The following PUDP variants were observed in gnomAD, a reference collection of about 807,000 sequenced individuals.
PUDP encodes the protein pseudouridine 5'-phosphatase, also known as pseudouridine-5'-phosphatase.
PUDP carries 8 observed loss-of-function variants against 9.4 expected under a neutral mutation model. The ratio of observed to expected loss-of-function variants is 0.85; its 90% CI spans 0.50 to 1.53. The LOEUF (loss-of-function observed/expected upper bound fraction) is 1.53. Ranked by LOEUF, PUDP falls within the 40% of genes most tolerant of loss-of-function variation. The pLI, the probability that PUDP is intolerant of heterozygous loss-of-function variation, is 0.00. For synonymous variants in PUDP, 99 were observed against 80.7 expected (o/e 1.23, Z -1.22); for missense variants, 188 against 189.7 (o/e 0.99, Z 0.05).
In PUDP at chrX:6,968,776, T is replaced by C. The variant is rs575131592; in HGVS notation, c.*247+8357A>G. ...CTGGGACTACAGGCACGTGCCACCA[T>C]ACCCAGCTAATTTTTGTATTTTTAG... On this transcript the variant is annotated intron_variant and NMD_transcript_variant, in intron 3 of 3. Transcript: ENST00000655425. 7.2e-5 allele frequency among the ~76,000 whole-genome samples: 8 copies of C among 110,775 alleles called. No individual in the cohort carries two copies. The South Asian group carries it at 3.1e-3, about 43-fold the overall frequency.
At chrX:6,863,999 G>C (rs990038950) in intron 3 of PUDP, among the ~76,000 whole-genome samples, 40 of 111,117 alleles carry the variant, frequency 3.6e-4, no homozygotes, top group African/African-American at 1.3e-3. Context: ...GGTCTGTTTT[G>C]GTCTCTCAGA....
At chrX:7,020,021 TGA>T (rs756986095) in intron 1 of PUDP, among the ~76,000 whole-genome samples, 3 of 106,607 alleles carry the variant, frequency 2.8e-5, no homozygotes, top group Non-Finnish European at 5.8e-5. Flanking sequence ...GCAGGAAGAA[TGA>T]GAGAGAGAGA....
intron 3 of PUDP, among the ~76,000 whole-genome samples, chrX:6,863,617 G>T (rs1322189490): frequency 8.9e-6 from 1 of 112,147 alleles, no homozygotes; most frequent in African/African-American, 3.2e-5. Flanking sequence ...TCACTTTGGG[G>T]CATGGTTTTC....
intron 3 of PUDP, among the ~76,000 whole-genome samples, chrX:6,927,875 C>T (rs1419725731): frequency 1.8e-5 from 2 of 109,930 alleles, no homozygotes; most frequent in African/African-American, 6.6e-5. Flanking sequence ...GGATCAGGAA[C>T]AGAGATTAAC....
At chrX:6,970,692 G>C (rs1015769363) in intron 3 of PUDP, among the ~76,000 whole-genome samples, 1 of 111,666 alleles carries the variant, frequency 9.0e-6, no homozygotes, top group Non-Finnish European at 1.9e-5. Context: ...TATTAACTTA[G>C]CCAGCCAAGC....
chrX:7,121,833 T>C (rs1602814527), intron 1 of PUDP, among the ~76,000 whole-genome samples: 1 of 111,889 alleles, frequency 8.9e-6, no homozygotes, highest in East Asian at 2.8e-4. Flanking sequence ...AGCTCTACCA[T>C]ATCTTTAAGT....
chrX:6,826,244 T>C (rs1207844108), intron 3 of PUDP, among the ~76,000 whole-genome samples: 2 of 112,157 alleles, frequency 1.8e-5, no homozygotes, highest in Non-Finnish European at 3.8e-5. Context: ...AATTCTAATA[T>C]ACCATAAAAT....
chrX:6,863,122 A>T (rs1927028107), intron 3 of PUDP, among the ~76,000 whole-genome samples: 1 of 111,888 alleles, frequency 8.9e-6, no homozygotes, highest in Non-Finnish European at 1.9e-5. Flanking sequence ...TGATCATAGC[A>T]TACTACAGTC....
chrX:6,707,591 C>T (rs2146649502), intron 1 of PUDP, among the ~76,000 whole-genome samples: 1 of 111,246 alleles, frequency 9.0e-6, no homozygotes, highest in South Asian at 3.8e-4. Flanking sequence ...CTTGGATGTG[C>T]AGTTCACAAC....
At chrX:6,949,567 T>C (rs1928518586) in intron 3 of PUDP, among the ~76,000 whole-genome samples, 1 of 112,335 alleles carries the variant, frequency 8.9e-6, no homozygotes, top group Admixed American at 9.5e-5. Flanking sequence ...CAACTGCTAA[T>C]TGCTTAATCT....
chrX:6,865,356 A>G (rs1384662826), intron 3 of PUDP, among the ~76,000 whole-genome samples: 4 of 112,360 alleles, frequency 3.6e-5, no homozygotes, highest in Non-Finnish European at 7.5e-5. Flanking sequence ...AATACCTTCT[A>G]ACATATCTTT....
intron 3 of PUDP, among the ~76,000 whole-genome samples, chrX:6,949,080 T>C (rs1427190404): frequency 8.9e-6 from 1 of 111,806 alleles, no homozygotes; most frequent in Admixed American, 9.5e-5. Context: ...AACAGAAACA[T>C]AAATCATATT....
chrX:6,990,237 GCTT>G (rs2146804112), intron 1 of PUDP, among the ~76,000 whole-genome samples: 1 of 111,417 alleles, frequency 9.0e-6, no homozygotes, highest in Admixed American at 9.5e-5. Context: ...TTGAGCCTTT[GCTT>G]CTTCAAGAGC....
At chrX:7,143,178 T>C (rs749113120) in intron 1 of PUDP, among the ~76,000 whole-genome samples, 3 of 110,808 alleles carry the variant, frequency 2.7e-5, no homozygotes, top group Non-Finnish European at 5.7e-5. Flanking sequence ...TTTAAGGTTA[T>C]GTACATTTTT....
chrX:7,070,122 T>C (rs1217106134), intron 3 of PUDP, among the ~76,000 whole-genome samples: 1 of 111,947 alleles, frequency 8.9e-6, no homozygotes, highest in Non-Finnish European at 1.9e-5. Flanking sequence ...AGGAAACACA[T>C]TTCCTCTGAC....
chrX:6,739,857 C>A (rs1213531910), intron 3 of PUDP, among the ~76,000 whole-genome samples: 2 of 111,771 alleles, frequency 1.8e-5, no homozygotes, highest in African/African-American at 6.5e-5. Context: ...TAATACCTGG[C>A]TATTTTTGGA....
chrX:7,085,267 C>T (rs571583141), intron 2 of PUDP: 10 of 112,728 alleles, frequency 8.9e-5, no homozygotes, highest in Non-Finnish European at 1.5e-4. Flanking sequence ...AAATGTCACA[C>T]GTGATCTCAC....
intron 3 of PUDP, among the ~76,000 whole-genome samples, chrX:6,867,419 T>C (rs769560861): frequency 9.0e-6 from 1 of 111,264 alleles, no homozygotes; most frequent in African/African-American, 3.3e-5. Flanking sequence ...GTGGTAGTGG[T>C]GGTGGTGGTG....
intron 1 of PUDP, among the ~76,000 whole-genome samples, chrX:7,136,696 A>AC (rs60135390): frequency 0.037 from 2,692 of 71,957 alleles, 71 homozygotes; most frequent in African/African-American, 0.043. Context: ...TGCCAGTGGG[A>AC]CCCCCCCCCC....
Sources: gnomAD v4.1 joint callset for allele counts (sites outside exome capture counted in the v4.1 genomes callset) on GRCh38, gnomAD v4.1.1 for gene constraint, MANE v1.5 for transcripts, NCBI Gene and HGNC (gene_info 2026-07-23, HGNC 2026-07-21) for gene names.